Variants in PAK2 observed in about 807,000 individuals in gnomAD.
PAK2 encodes serine/threonine-protein kinase PAK 2.
A neutral mutation model predicts 65.9 loss-of-function variants in PAK2; 21 were observed. The ratio of observed to expected loss-of-function variants is 0.32; its 90% CI spans 0.23 to 0.46. The LOEUF (loss-of-function observed/expected upper bound fraction) is 0.46, where lower values mean the gene tolerates loss of function less well. Ranked by LOEUF, PAK2 falls within the 20% of genes least tolerant of loss-of-function variation. The pLI is 1.00. For missense variants in PAK2, 324 were observed against 642.6 expected (o/e 0.50, Z 5.36); for synonymous variants, 204 against 219.7 (o/e 0.93, Z 0.63).
intron 4 of PAK2, among the ~76,000 whole-genome samples, chr3:196,805,062 A>G (rs1715544410): frequency 6.6e-6 from 1 of 152,016 alleles, no homozygotes; most frequent in African/African-American, 2.4e-5. Flanking sequence ...TTCAAACTAA[A>G]TTTTGATAGC....
chr3:196,805,067 G>T (rs554767487), intron 4 of PAK2, among the ~76,000 whole-genome samples: 95 of 151,966 alleles, frequency 6.3e-4, no homozygotes, highest in Non-Finnish European at 9.6e-4. Context: ...ACTAAATTTT[G>T]ATAGCTTTAT....
At chr3:196,789,475 C>CTTTCTTCT (rs1714997032) in intron 2 of PAK2, among the ~76,000 whole-genome samples, 1 of 136,112 alleles carries the variant, frequency 7.3e-6, no homozygotes, top group Admixed American at 7.1e-5. Context: ...AACAATTTTT[C>CTTTCTTCT]TTTTTTCTTT....
chr3:196,821,012 G>A (rs1006007737), intron 13 of PAK2, among the ~76,000 whole-genome samples: 2 of 152,006 alleles, frequency 1.3e-5, no homozygotes, highest in Non-Finnish European at 2.9e-5. Context: ...GCTGATTTTT[G>A]TACTTTTCAT....
rs550696735 is a variant in PAK2, at chr3:196,755,756, ACTT to A, written c.-22+15606_-22+15608del. Among the ~76,000 whole-genome samples the A allele has an allele frequency of 3.7e-4, 55 of 146,836 alleles. No homozygotes were observed. The East Asian group carries it at 5.8e-3, about 15-fold the overall frequency. On this transcript the variant is annotated intron_variant, in intron 1 of 14. Coordinates refer to ENST00000327134, the MANE Select transcript of PAK2 (RefSeq NM_002577.4). ...TACAGGCGTGAGCCACTGCACCCAG[ACTT>A]CTTCTTTTTTTTTTTGAGACGGAGT...
intron 11 of PAK2, among the ~76,000 whole-genome samples, chr3:196,815,829 C>G (rs1716009870): frequency 6.6e-6 from 1 of 151,650 alleles, no homozygotes; most frequent in Non-Finnish European, 1.5e-5. Flanking sequence ...ACCGTGGAAA[C>G]TAGAACTATC....
chr3:196,802,553 T>C (rs1298375976), intron 3 of PAK2, among the ~76,000 whole-genome samples: 3 of 151,416 alleles, frequency 2.0e-5, no homozygotes. Flanking sequence ...TTAGAAAAAA[T>C]AGACCTAGGC....
intron 1 of PAK2, among the ~76,000 whole-genome samples, chr3:196,755,443 ATTTC>A (rs1713736172): frequency 7.1e-6 from 1 of 140,454 alleles, no homozygotes; most frequent in African/African-American, 2.7e-5. Flanking sequence ...GTGTTTACGC[ATTTC>A]TTCTTCCGAC....
At chr3:196,821,014 A>T (rs1257932460) in intron 13 of PAK2, among the ~76,000 whole-genome samples, 1 of 151,944 alleles carries the variant, frequency 6.6e-6, no homozygotes, top group Non-Finnish European at 1.5e-5. Flanking sequence ...TGATTTTTGT[A>T]CTTTTCATAG....
rs147041386 is a variant in PAK2, at chr3:196,767,336, A to G, written c.-21-15290A>G. Among the ~76,000 whole-genome samples, 67 of 152,280 alleles carry G rather than the reference A, an allele frequency of 4.4e-4. 1 individual carries two copies. Among genetic ancestry groups the G allele is most frequent in the African/African-American group, 1.6e-3 (65 of 41,560 alleles). ...GTATATATGTAGTCGGTACTCCTAAACACTGTGTTATATTGCTTTCCTATG... is the reference window on the plus strand; with the variant it reads ...GTATATATGTAGTCGGTACTCCTAAGCACTGTGTTATATTGCTTTCCTATG... On this transcript the variant is annotated intron_variant, in intron 1 of 14. Coordinates refer to ENST00000327134, the MANE Select transcript of PAK2 (RefSeq NM_002577.4).
chr3:196,793,216 T>C (rs1441438688), intron 2 of PAK2, among the ~76,000 whole-genome samples: 1 of 152,172 alleles, frequency 6.6e-6, no homozygotes, highest in Non-Finnish European at 1.5e-5. Context: ...TTACATTTAT[T>C]TCCAGAGAAT....
intron 1 of PAK2, among the ~76,000 whole-genome samples, chr3:196,778,025 C>T (rs1222896242): frequency 6.6e-6 from 1 of 152,154 alleles, no homozygotes; most frequent in African/African-American, 2.4e-5. Context: ...ACTTGATACC[C>T]ATTAGGAGCC....
At chr3:196,802,272 A>G (rs1715443404) in intron 3 of PAK2, among the ~76,000 whole-genome samples, 1 of 152,056 alleles carries the variant, frequency 6.6e-6, no homozygotes, top group Non-Finnish European at 1.5e-5. Context: ...GTGGGGGTGT[A>G]TGCCTGTAAT....
At chr3:196,779,520 G>A (rs1308852264) in intron 1 of PAK2, among the ~76,000 whole-genome samples, 1 of 152,134 alleles carries the variant, frequency 6.6e-6, no homozygotes, top group East Asian at 1.9e-4. Context: ...AACATATGCT[G>A]TTAACCAAAA....
At chr3:196,803,188 A>C (rs768588878) in intron 4 of PAK2, 24 bp downstream of exon 4, 1 of 1,557,398 alleles carries the variant, frequency 6.4e-7, no homozygotes, top group Non-Finnish European at 8.7e-7. Flanking sequence ...ATAAGGCTGG[A>C]TCAGATGGAG....
intron 11 of PAK2, among the ~76,000 whole-genome samples, chr3:196,816,001 A>G (rs925696802): frequency 4.6e-5 from 7 of 152,142 alleles, no homozygotes; most frequent in Admixed American, 4.6e-4. Context: ...CAAATTGCCA[A>G]TTTAAGCCAA....
At chr3:196,801,892 G>T in intron 2 of PAK2, 35 bp from the exon 3 acceptor site, 1 of 1,061,824 alleles carries the variant, frequency 9.4e-7, no homozygotes. Context: ...GTTTAAATAG[G>T]CTGATTCTTT....
chr3:196,774,989 A>C (rs1181087931), intron 1 of PAK2, among the ~76,000 whole-genome samples: 1 of 152,196 alleles, frequency 6.6e-6, no homozygotes, highest in African/African-American at 2.4e-5. Flanking sequence ...AGACTGAGAG[A>C]AATCCAGAGA....
chr3:196,786,608 A>G (rs1214383704), intron 2 of PAK2, among the ~76,000 whole-genome samples: 2 of 152,036 alleles, frequency 1.3e-5, no homozygotes, highest in African/African-American at 4.8e-5. Flanking sequence ...ATTTTTGTAT[A>G]TTTGTGAAAA....
intron 1 of PAK2, among the ~76,000 whole-genome samples, chr3:196,750,615 A>G (rs1430943936): frequency 6.6e-6 from 1 of 151,970 alleles, no homozygotes; most frequent in Non-Finnish European, 1.5e-5. Context: ...AAATTATTCA[A>G]CATTATCTTT....
Sources: allele counts gnomAD v4.1 joint callset (sites outside exome capture counted in the v4.1 genomes callset), GRCh38; gene constraint gnomAD v4.1.1; transcripts MANE v1.5; gene names NCBI Gene and HGNC (gene_info 2026-07-23, HGNC 2026-07-21).